Variants in FOXK2 observed in about 807,000 individuals in gnomAD.
FOXK2 encodes forkhead box K2, also known as forkhead box protein K2.
In FOXK2, 24 loss-of-function variants were observed where a neutral mutation model predicts 53.3. The observed-to-expected ratio is 0.45, with a 90% CI of 0.33 to 0.63. The LOEUF (loss-of-function observed/expected upper bound fraction) is 0.63, where lower values mean the gene tolerates loss of function less well. FOXK2 is among the 30% of genes least tolerant of loss of function. The pLI is 0.03. For synonymous variants in FOXK2, 505 were observed against 407.1 expected, an observed-to-expected ratio of 1.24 and a Z score of -2.89; for missense variants, 952 against 910.5, an observed-to-expected ratio of 1.05 and a Z score of -0.59.
chr17:82,587,023 T>C, intron 7 of FOXK2, 40 bp from the exon 8 acceptor site: 1 of 1,583,624 alleles, frequency 6.3e-7, no homozygotes, highest in Non-Finnish European at 8.7e-7. Context: ...TTATTTGCTT[T>C]CCAGTAATAT....
chr17:82,591,620 T>G (rs976054894), intron 8 of FOXK2, among the ~76,000 whole-genome samples: 1 of 152,186 alleles, frequency 6.6e-6, no homozygotes, highest in African/African-American at 2.4e-5. Context: ...AAGGAAAGCC[T>G]GGCATTTTCT....
intron 4 of FOXK2, among the ~76,000 whole-genome samples, chr17:82,572,817 C>T: frequency 6.6e-6 from 1 of 152,016 alleles, no homozygotes; most frequent in East Asian, 1.9e-4. Context: ...AAGGATGGTG[C>T]AGGGGCAACT....
At chr17:82,538,172 G>A (rs1300378064) in intron 1 of FOXK2, among the ~76,000 whole-genome samples, 2 of 152,016 alleles carry the variant, frequency 1.3e-5, no homozygotes, top group Non-Finnish European at 2.9e-5. Flanking sequence ...GCAGTGAGCC[G>A]AGATCGTGCC....
At chr17:82,520,631 A>G (rs139566957) in intron 1 of FOXK2, among the ~76,000 whole-genome samples, 29 of 152,330 alleles carry the variant, frequency 1.9e-4, no homozygotes, top group African/African-American at 6.3e-4. Flanking sequence ...TGCTGTTTCT[A>G]TTCTGCAGCG....
chr17:82,578,830 G>C (rs1259692214), intron 4 of FOXK2, among the ~76,000 whole-genome samples: 6 of 152,206 alleles, frequency 3.9e-5, no homozygotes, highest in Non-Finnish European at 7.3e-5. Flanking sequence ...TGGTGGTGAC[G>C]CAGGGGCAGG....
At chr17:82,587,550 C>G (rs978451686) in intron 8 of FOXK2, 9 of 460,982 alleles carry the variant, frequency 2.0e-5, no homozygotes, top group Middle Eastern at 6.3e-4. Context: ...CTGGGTGTGG[C>G]CTGGAAGCGG....
At chr17:82,571,255 T>C (rs1485615138) in intron 3 of FOXK2, among the ~76,000 whole-genome samples, 3 of 152,252 alleles carry the variant, frequency 2.0e-5, no homozygotes, top group African/African-American at 4.8e-5. Flanking sequence ...CTTTATAGTT[T>C]TCCATTTGTT....
intron 8 of FOXK2, among the ~76,000 whole-genome samples, chr17:82,594,469 G>C (rs1347480638): frequency 7.1e-6 from 1 of 140,550 alleles, no homozygotes; most frequent in African/African-American, 2.7e-5. Flanking sequence ...CTGCACTCCC[G>C]CCTGGGCGAC....
At chr17:82,551,567 G>C (rs949628930) in intron 1 of FOXK2, among the ~76,000 whole-genome samples, 1 of 152,044 alleles carries the variant, frequency 6.6e-6, no homozygotes, top group African/African-American at 2.4e-5. Context: ...TGTAGTCTTA[G>C]CTACTTGGGA....
At chr17:82,589,044 C>T (rs1037347400) in intron 8 of FOXK2, among the ~76,000 whole-genome samples, 2 of 151,686 alleles carry the variant, frequency 1.3e-5, no homozygotes, top group African/African-American at 2.4e-5. Flanking sequence ...GGCGACCGTG[C>T]GAGACTCTGT....
intron 1 of FOXK2, among the ~76,000 whole-genome samples, chr17:82,541,640 G>A (rs924497240): frequency 2.0e-5 from 3 of 151,998 alleles, no homozygotes; most frequent in African/African-American, 4.8e-5. Flanking sequence ...ACACTCAAAT[G>A]AAAACTGATA....
chr17:82,586,673 G>A lies in FOXK2; in HGVS notation c.1577-390G>A, dbSNP rs553158103. Among the ~76,000 whole-genome samples the A allele has an allele frequency of 8.5e-4, 130 of 152,156 alleles. 1 individual carries two copies. Among genetic ancestry groups the A allele is most frequent in the African/African-American group, 2.0e-3 (84 of 41,486 alleles). On this transcript the variant is annotated intron_variant, in intron 7 of 8. Transcript: ENST00000335255. Reference sequence around the variant, plus strand: ...TCCCAGCACTATGGGGGGCTGAGACGGTCGGATCACCTGAGGTTAGGAGTT... The same window carrying A: ...TCCCAGCACTATGGGGGGCTGAGACAGTCGGATCACCTGAGGTTAGGAGTT...
At chr17:82,572,041 CCTT>C (rs1468869707) in intron 4 of FOXK2, 171 bp downstream of exon 4, 8 of 553,192 alleles carry the variant, frequency 1.4e-5, no homozygotes, top group African/African-American at 3.9e-5. Flanking sequence ...CTCTGCCTCA[CCTT>C]CTTTGTGTGG....
At chr17:82,555,494 A>G (rs2044714518) in intron 1 of FOXK2, among the ~76,000 whole-genome samples, 1 of 152,204 alleles carries the variant, frequency 6.6e-6, no homozygotes, top group East Asian at 1.9e-4. Context: ...AGAACCTGAA[A>G]ACAGTTTTAA....
At chr17:82,577,377 C>T (rs1014657343) in intron 4 of FOXK2, 4 of 568,194 alleles carry the variant, frequency 7.0e-6, no homozygotes, top group Middle Eastern at 1.1e-3. Context: ...AAGCTCTCTT[C>T]TTCTAAGGTG....
chr17:82,588,487 G>A, intron 8 of FOXK2: 1 of 161,762 alleles, frequency 6.2e-6, no homozygotes, highest in Non-Finnish European at 1.3e-5. Flanking sequence ...AGGGCAGGCG[G>A]TTGGAGGGCA....
At chr17:82,563,088 TGA>T (rs1033452104) in intron 1 of FOXK2, among the ~76,000 whole-genome samples, 10 of 152,326 alleles carry the variant, frequency 6.6e-5, no homozygotes, top group Non-Finnish European at 1.3e-4. Flanking sequence ...ATTACAAGCA[TGA>T]GCTACGATAC....
At chr17:82,592,777 G>T (rs1325973948) in intron 8 of FOXK2, among the ~76,000 whole-genome samples, 3 of 152,254 alleles carry the variant, frequency 2.0e-5, no homozygotes, top group Non-Finnish European at 4.4e-5. Flanking sequence ...GAGGGCGCAC[G>T]CTTCGCAGTG....
At position 82,519,901 on chromosome 17, in the gene FOXK2, G is replaced by C. The variant is rs867576757; in HGVS notation, c.13G>C (p.Ala5Pro). 3.9e-4 allele frequency: 380 copies of C among 977,982 alleles called. No individual in the cohort carries two copies. In the African/African-American group the frequency reaches 6.4e-3, roughly 16 times the overall value. The allele number at this position is 977,982 out of a possible 1,614,324, so 60.6% of individuals were successfully genotyped here. A position where few individuals can be genotyped will look rare whatever the true frequency, so the allele number is the denominator to read the frequency against. The part of the protein sequence containing the change: MAAA[A>P]AALSGAGTPP... ...CTCACGCAGGCCCATGGCGGCGGCC[G>C]CGGCGGCGCTCTCGGGCGCGGGCAC... Residue 5 changes from alanine to proline, a missense_variant, in exon 1 of 9, where the codon GCG (alanine) becomes CCG (proline). Transcript: ENST00000335255.
Sources: allele counts gnomAD v4.1 joint callset (sites outside exome capture counted in the v4.1 genomes callset), GRCh38; gene constraint gnomAD v4.1.1; transcripts MANE v1.5; gene names NCBI Gene and HGNC (gene_info 2026-07-23, HGNC 2026-07-21).